MARK1: variants seen among roughly 807,000 people sequenced by gnomAD.
MARK1 encodes microtubule affinity regulating kinase 1.
MARK1 carries 40 observed loss-of-function variants against 96.3 expected under a neutral mutation model. The ratio of observed to expected loss-of-function variants is 0.42; its 90% CI spans 0.32 to 0.54. MARK1 has a LOEUF of 0.54. MARK1 is among the 20% of genes least tolerant of loss of function. The probability of loss-of-function intolerance (pLI) is 0.16; values close to 1 mark genes in which losing one functional copy is unlikely to be tolerated. For missense variants in MARK1, 719 were observed against 984.6 expected, an observed-to-expected ratio of 0.73 and a Z score of 3.61; for synonymous variants, 317 against 341.2, an observed-to-expected ratio of 0.93 and a Z score of 0.78.
At chr1:220,583,831 T>A (rs1664413496) in intron 3 of MARK1, among the ~76,000 whole-genome samples, 1 of 144,770 alleles carries the variant, frequency 6.9e-6, no homozygotes, top group South Asian at 2.3e-4. Flanking sequence ...TTTTTTTTTT[T>A]TTTTTTTTGT....
chr1:220,570,007 A>G (rs1236882322), intron 1 of MARK1, among the ~76,000 whole-genome samples: 3 of 152,168 alleles, frequency 2.0e-5, no homozygotes, highest in Admixed American at 2.0e-4. Flanking sequence ...TGTAGCACCT[A>G]CACACCTATC....
At chr1:220,549,584 A>G (rs1305156734) in intron 1 of MARK1, among the ~76,000 whole-genome samples, 2 of 152,218 alleles carry the variant, frequency 1.3e-5, no homozygotes, top group Non-Finnish European at 2.9e-5. Context: ...TTTTGTAGTA[A>G]GTGTAAGAGG....
chr1:220,654,546 A>G lies in MARK1; in HGVS notation c.1988+1194A>G, dbSNP rs73107657. Among the ~76,000 whole-genome samples the G allele has an allele frequency of 2.6e-3, 390 of 152,330 alleles. 3 individuals are homozygous for G. Among genetic ancestry groups the G allele is most frequent in the African/African-American group, 8.8e-3 (364 of 41,586 alleles). On this transcript the variant is annotated intron_variant, in intron 16 of 17. Transcript: ENST00000366917. This position sits in a 1 kb window ranked among gnomAD's most constrained non-coding sequence, Gnocchi z 4.0. ...TCAGTGACTTTGTACCATTGGGGCA[A>G]TTACTATGCAGCATGAAACTTGCTA...
At position 220,663,832 on chromosome 1, in the gene MARK1, C is replaced by A. The variant is rs757968351; in HGVS notation, c.*1666C>A. ...GCCCCTTTTTAACCTAGTGTTCATT[C>A]AAAAAAAAATTGATGCAAATCTTTA... On this transcript the variant is annotated 3_prime_UTR_variant, in exon 18 of 18. Coordinates refer to ENST00000366917, the MANE Select transcript of MARK1 (RefSeq NM_018650.5). 6.7e-6 allele frequency: 1 copy of A among 150,054 alleles called. No homozygotes were observed. The highest frequency in any genetic ancestry group is 1.5e-5 in the Non-Finnish European group (1 of 67,430). 9.3% of individuals were successfully genotyped at this position (150,054 alleles called of 1,614,324 possible). A position where few individuals can be genotyped will look rare whatever the true frequency, so the allele number is the denominator to read the frequency against.
intron 1 of MARK1, among the ~76,000 whole-genome samples, chr1:220,548,625 G>T (rs769449654): frequency 2.0e-5 from 3 of 152,114 alleles, no homozygotes; most frequent in Non-Finnish European, 2.9e-5. Context: ...TGTAGTCCCA[G>T]CTACTTGGGA....
intron 5 of MARK1, among the ~76,000 whole-genome samples, chr1:220,602,737 T>C (rs746254640): frequency 1.3e-5 from 2 of 152,114 alleles, no homozygotes; most frequent in Non-Finnish European, 2.9e-5. Flanking sequence ...ATGCTTAATA[T>C]TATATAATAT....
At position 220,579,269 on chromosome 1, in the gene MARK1, GTAA is replaced by G. The variant is rs1452984029; in HGVS notation, c.52-77_52-75del. ...GCAATATGTTTTTATTGAAGAATTG[GTAA>G]TAATAATTATTTGTACTCTTTTTAC... On this transcript the variant is annotated intron_variant, in intron 1 of 17. Coordinates refer to ENST00000366917, the MANE Select transcript of MARK1 (RefSeq NM_018650.5). The G allele has an allele frequency of 4.5e-6, 4 of 892,996 alleles. No homozygotes were observed. In the African/African-American group the frequency reaches 5.1e-5, roughly 11 times the overall value. 55.3% of individuals were successfully genotyped at this position (892,996 alleles called of 1,614,324 possible). A position where few individuals can be genotyped will look rare whatever the true frequency, so the allele number is the denominator to read the frequency against.
chr1:220,661,140 A>AG (rs1160582294), intron 17 of MARK1, among the ~76,000 whole-genome samples: 4 of 152,200 alleles, frequency 2.6e-5, no homozygotes, highest in African/African-American at 9.7e-5. Flanking sequence ...AAGGAGCAGC[A>AG]TGGAGGCCAT....
At chr1:220,581,014 TC>T (rs753751651) in intron 2 of MARK1, 50 bp from the exon 3 acceptor site, 2 of 730,468 alleles carry the variant, frequency 2.7e-6, no homozygotes, top group Non-Finnish European at 4.1e-6. Flanking sequence ...AAAGTTTTAT[TC>T]ATTAAAATAT....
At chr1:220,661,246 T>G (rs1330862145) in intron 17 of MARK1, among the ~76,000 whole-genome samples, 2 of 152,192 alleles carry the variant, frequency 1.3e-5, no homozygotes, top group African/African-American at 4.8e-5. Flanking sequence ...CGTTGTAGAC[T>G]GTTTTAAGGA....
Position 220,661,796 on chromosome 1 carries a change from TG to T in MARK1, c.2034-15del. ...AATATTTGCTTTCATTCTTTCCCTTTGCCCTCTTGTTCCAGAAGTACATCAG... is the reference window on the plus strand; with the variant it reads ...AATATTTGCTTTCATTCTTTCCCTTTCCCTCTTGTTCCAGAAGTACATCAG... On this transcript the variant is annotated splice_polypyrimidine_tract_variant and intron_variant, in intron 17 of 17. Coordinates refer to ENST00000366917, the MANE Select transcript of MARK1 (RefSeq NM_018650.5). 1 of 1,559,480 alleles carries T rather than the reference TG, an allele frequency of 6.4e-7. No homozygotes were observed. The highest frequency in any genetic ancestry group is 1.2e-5 in the South Asian group (1 of 86,426).
chr1:220,541,391 A>C (rs181328182), intron 1 of MARK1, among the ~76,000 whole-genome samples: 9 of 152,206 alleles, frequency 5.9e-5, no homozygotes, highest in African/African-American at 1.9e-4. Flanking sequence ...TTGTGCTGCT[A>C]TTGGGTGGAA....
chr1:220,596,691 C>T (rs1252407294), intron 3 of MARK1, among the ~76,000 whole-genome samples: 5 of 151,996 alleles, frequency 3.3e-5, no homozygotes, highest in Admixed American at 3.3e-4. Flanking sequence ...TATTTCTTTC[C>T]TTAAATTGTG....
At chr1:220,574,713 T>G (rs1663715437) in intron 1 of MARK1, among the ~76,000 whole-genome samples, 4 of 152,230 alleles carry the variant, frequency 2.6e-5, no homozygotes, top group Admixed American at 1.3e-4. Flanking sequence ...TTTTGTCTGC[T>G]GATAGGTTTA....
At position 220,664,164 on chromosome 1, in the gene MARK1, G is replaced by A. The variant is rs1198647912; in HGVS notation, c.*1998G>A. 1 of 152,110 alleles carries A rather than the reference G, an allele frequency of 6.6e-6. No individual in the cohort carries two copies. The highest frequency in any genetic ancestry group is 6.5e-5 in the Admixed American group (1 of 15,268). The allele number at this position is 152,110 out of a possible 1,614,324, so 9.4% of individuals were successfully genotyped here. ...TCATGTGTTTTCCACGGTAGAAACT[G>A]ATATTTTTTTACATTTTCTCACTGT... On this transcript the variant is annotated 3_prime_UTR_variant, in exon 18 of 18. Coordinates refer to ENST00000366917, the MANE Select transcript of MARK1 (RefSeq NM_018650.5).
intron 1 of MARK1, among the ~76,000 whole-genome samples, chr1:220,552,726 G>T (rs893686971): frequency 6.6e-6 from 1 of 152,176 alleles, no homozygotes; most frequent in Non-Finnish European, 1.5e-5. Flanking sequence ...ACAAATACAT[G>T]TCTGTAGCAA....
chr1:220,547,388 G>A (rs1661573626), intron 1 of MARK1, among the ~76,000 whole-genome samples: 1 of 152,196 alleles, frequency 6.6e-6, no homozygotes, highest in South Asian at 2.1e-4. Flanking sequence ...GAACCAGGTT[G>A]GTTGATCACT....
intron 1 of MARK1, among the ~76,000 whole-genome samples, chr1:220,552,046 A>G (rs2102745267): frequency 6.6e-6 from 1 of 152,338 alleles, no homozygotes; most frequent in African/African-American, 2.4e-5. Context: ...CATTTCAGAT[A>G]TAGTCCGTCT....
At chr1:220,561,967 G>C (rs1662697527) in intron 1 of MARK1, among the ~76,000 whole-genome samples, 1 of 152,220 alleles carries the variant, frequency 6.6e-6, no homozygotes, top group Non-Finnish European at 1.5e-5. Flanking sequence ...CATGATTTCA[G>C]AGGGATGATC....
Sources: gnomAD v4.1 joint callset for allele counts (sites outside exome capture counted in the v4.1 genomes callset) on GRCh38, gnomAD v4.1.1 for gene constraint, Gnocchi (gnomAD v3.1) non-coding constraint, MANE v1.5 for transcripts, NCBI Gene and HGNC (gene_info 2026-07-23, HGNC 2026-07-21) for gene names.